The following UNC13A variants were observed in gnomAD, a reference collection of about 807,000 sequenced individuals.
The protein encoded by UNC13A is unc-13 homolog A, also known as protein unc-13 homolog A.
Under a neutral mutation model 219.7 loss-of-function variants are expected in UNC13A, and 61 were observed. The ratio of observed to expected loss-of-function variants is 0.28; its 90% CI spans 0.23 to 0.34. UNC13A has a LOEUF of 0.34. Among genes scored for constraint, UNC13A ranks in the 10% least tolerant of loss-of-function variants. The pLI is 1.00. For synonymous variants in UNC13A, 920 were observed against 884.6 expected (o/e 1.04, Z -0.71); for missense variants, 1,476 against 2,270.3 (o/e 0.65, Z 7.11).
rs1003984528 is a variant in UNC13A at position 17,608,717 on chromosome 19, C to T, written c.4811+1223G>A. 4.6e-5 allele frequency among the ~76,000 whole-genome samples: 7 copies of T among 151,446 alleles called. No individual in the cohort carries two copies. The East Asian group carries it at 7.8e-4, about 17-fold the overall frequency. On this transcript the variant is annotated intron_variant, in intron 43 of 43. Transcript: ENST00000519716. ...ATTTTTAGTAGAGACGGGGTTTCAC[C>T]GTGTTAGCCAGGATGGTCTCGATCT...
chr19:17,662,835 G>T (rs771725597), intron 8 of UNC13A, among the ~76,000 whole-genome samples: 4 of 151,788 alleles, frequency 2.6e-5, no homozygotes, highest in Non-Finnish European at 5.9e-5. Flanking sequence ...CAGGAGAATG[G>T]CGTGAACCCT....
chr19:17,675,159 C>T (rs1341405512), intron 2 of UNC13A, among the ~76,000 whole-genome samples: 7 of 151,818 alleles, frequency 4.6e-5, no homozygotes, highest in Middle Eastern at 6.8e-3. Context: ...AAAACCCTAT[C>T]TCTACTAAAA....
chr19:17,636,071 C>A lies in UNC13A; in HGVS notation c.3168G>T (p.Val1056=). 23 of 1,612,482 alleles carry A rather than the reference C, an allele frequency of 1.4e-5. No homozygotes were observed. Among genetic ancestry groups the A allele is most frequent in the Non-Finnish European group, 2.0e-5 (23 of 1,179,134 alleles). The change falls in exon 26 of 44, where the codon GTG becomes GTT. Residue 1056 remains valine, a synonymous_variant. Transcript: ENST00000519716. ...DFWSKLITLI[V]SIIEEDKNSY... ...AATTCTTGTCTTCCTCAATGATGGA[C>A]ACTATGAGGGTAATCAGCTTGGACC... is the stretch of plus-strand genomic sequence containing the variant.
At chr19:17,607,273 A>AT (rs2076541850) in intron 43 of UNC13A, among the ~76,000 whole-genome samples, 1 of 151,418 alleles carries the variant, frequency 6.6e-6, no homozygotes. Context: ...ATTTATTTTT[A>AT]TTTTTTGAGT....
At chr19:17,606,396 T>C (rs1475488269) in intron 43 of UNC13A, 42 bp from the exon 44 acceptor site, 32 of 1,529,688 alleles carry the variant, frequency 2.1e-5, no homozygotes, top group Non-Finnish European at 2.8e-5. Context: ...CCACACCTAC[T>C]GTGATGCCCC....
intron 9 of UNC13A, 125 bp from the exon 10 acceptor site, chr19:17,656,523 G>A: frequency 9.6e-7 from 1 of 1,037,162 alleles, no homozygotes; most frequent in Non-Finnish European, 1.3e-6. Flanking sequence ...TGCTCTAGGG[G>A]CTGGAAAACA....
chr19:17,638,940 G>C (rs2076939269), intron 25 of UNC13A, 143 bp downstream of exon 25: 2 of 944,788 alleles, frequency 2.1e-6, no homozygotes, highest in Non-Finnish European at 2.9e-6. Context: ...CCCTAATCCT[G>C]AGATGTGGGT....
Position 17,639,878 on chromosome 19 carries a change from G to A in UNC13A, c.2818C>T (p.Leu940=), listed in dbSNP as rs765784382. 6.2e-7 allele frequency: 1 copy of A among 1,613,888 alleles called. No individual in the cohort carries two copies. The highest frequency in any genetic ancestry group is 1.1e-5 in the South Asian group (1 of 91,084). Residue 940 remains leucine (L), a synonymous_variant, in exon 23 of 44, where the codon CTG becomes TTG. Coordinates refer to ENST00000519716, the MANE Select transcript of UNC13A (RefSeq NM_001080421.3). The stretch of plus-strand genomic sequence containing the variant: ...AGGTCAATCCGCAGGGAGTTATGCA[G>A]CTGGTCCAGGAGTTTCACGAAGCGC... ...KERFVKLLDQ[L]HNSLRIDLSM...
intron 26 of UNC13A, among the ~76,000 whole-genome samples, chr19:17,635,466 T>C: frequency 6.6e-6 from 1 of 152,182 alleles, no homozygotes. Context: ...CTAACACAGA[T>C]GAAAATTCTA....
At chr19:17,675,340 A>C (rs1207960326) in intron 2 of UNC13A, among the ~76,000 whole-genome samples, 2 of 151,702 alleles carry the variant, frequency 1.3e-5, no homozygotes, top group African/African-American at 2.4e-5. Flanking sequence ...AAAAATAATA[A>C]TAATAAAAAG....
At chr19:17,628,584 T>C (rs920161116) in intron 31 of UNC13A, among the ~76,000 whole-genome samples, 5 of 151,778 alleles carry the variant, frequency 3.3e-5, no homozygotes, top group African/African-American at 1.2e-4. Flanking sequence ...ACTCACACTA[T>C]AACCAGTTAA....
rs1055344664 is a variant in UNC13A at position 17,606,469 on chromosome 19, C to T, written c.4812-115G>A. 5.2e-6 allele frequency: 7 copies of T among 1,349,808 alleles called. No homozygotes were observed. In the Admixed American group the frequency reaches 6.8e-5, roughly 13 times the overall value. The allele number at this position is 1,349,808 out of a possible 1,614,324, so 83.6% of individuals were successfully genotyped here. A position where few individuals can be genotyped will look rare whatever the true frequency, so the allele number is the denominator to read the frequency against. On this transcript the variant is annotated intron_variant, in intron 43 of 43. Transcript: ENST00000519716. ...CCCACACCGGGGTGCCCACACCTGT[C>T]ACCTCCCACGCTACGCTAGCCCCGC...
At chr19:17,669,194 C>G (rs1003928003) in intron 5 of UNC13A, among the ~76,000 whole-genome samples, 1 of 152,190 alleles carries the variant, frequency 6.6e-6, no homozygotes, top group Non-Finnish European at 1.5e-5. Context: ...ACATGTCTCT[C>G]TCTGTCTCTC....
At chr19:17,670,540 G>T (rs923971081) in intron 4 of UNC13A, among the ~76,000 whole-genome samples, 2 of 151,610 alleles carry the variant, frequency 1.3e-5, no homozygotes, top group Non-Finnish European at 2.9e-5. Flanking sequence ...CCCAGCCAAG[G>T]CTTCCTTTTA....
At chr19:17,610,128 G>A in intron 42 of UNC13A, 29 bp from the exon 43 acceptor site, 1 of 1,612,366 alleles carries the variant, frequency 6.2e-7, no homozygotes. Flanking sequence ...GGTAAGACAG[G>A]TCAGGTTCTC....
intron 35 of UNC13A, 148 bp from the exon 36 acceptor site, chr19:17,623,695 G>T (rs2076753831): frequency 6.3e-6 from 3 of 474,778 alleles, no homozygotes; most frequent in Admixed American, 8.2e-5. Context: ...GGAAGGATGG[G>T]AAGTCCGAGC....
intron 6 of UNC13A, 57 bp downstream of exon 6, chr19:17,668,060 T>C: frequency 6.4e-7 from 1 of 1,557,762 alleles, no homozygotes; most frequent in Non-Finnish European, 8.8e-7. Flanking sequence ...GTGAAAATCA[T>C]GGGGAGACAG....
chr19:17,628,390 C>T, intron 31 of UNC13A: 1 of 195,632 alleles, frequency 5.1e-6, no homozygotes, highest in South Asian at 9.7e-5. Context: ...CCAGACACAG[C>T]CATAGACACA....
In UNC13A at chr19:17,648,462, G is replaced by A. The variant is rs1303219764; in HGVS notation, c.1785C>T (p.Cys595=). ...TECGVKCHEK[C]QDLLNADCLQ... ...GGCAGTCGGCGTTGAGCAGGTCCTG[G>A]CACTTCTCGTGGCACTTGACACCGC... The change falls in exon 16 of 44, where the codon TGC becomes TGT. Residue 595 remains cysteine, a synonymous_variant. Coordinates refer to ENST00000519716, the MANE Select transcript of UNC13A (RefSeq NM_001080421.3). The A allele has an allele frequency of 6.2e-7, 1 of 1,608,396 alleles. No individual in the cohort carries two copies. The highest frequency in any genetic ancestry group is 1.1e-5 in the South Asian group (1 of 90,934).
Sources: allele counts gnomAD v4.1 joint callset (sites outside exome capture counted in the v4.1 genomes callset), GRCh38; gene constraint gnomAD v4.1.1; transcripts MANE v1.5; gene names NCBI Gene and HGNC (gene_info 2026-07-23, HGNC 2026-07-21).